Variants in IHO1 observed in about 807,000 individuals in gnomAD.
IHO1 encodes the protein interactor of HORMAD1 1.
Under a neutral mutation model 31.0 loss-of-function variants are expected in IHO1, and 13 were observed. That is an observed-to-expected ratio of 0.42 (90% CI 0.27 to 0.67). IHO1 has a LOEUF of 0.67. Ranked by LOEUF, IHO1 falls within the 30% of genes least tolerant of loss-of-function variation. IHO1 has a pLI of 0.24. For synonymous variants in IHO1, 221 were observed against 248.4 expected, an observed-to-expected ratio of 0.89 and a Z score of 1.04; for missense variants, 599 against 687.5, an observed-to-expected ratio of 0.87 and a Z score of 1.44.
At chr3:49,217,024 C>T (rs191307752) in intron 2 of IHO1, among the ~76,000 whole-genome samples, 2 of 152,304 alleles carry the variant, frequency 1.3e-5, no homozygotes, top group Admixed American at 1.3e-4. Flanking sequence ...AATAGGAACA[C>T]TTTTACACTG....
At chr3:49,229,461 C>G (rs1325882177) in intron 2 of IHO1, among the ~76,000 whole-genome samples, 1 of 152,142 alleles carries the variant, frequency 6.6e-6, no homozygotes, top group Non-Finnish European at 1.5e-5. Context: ...TACTTCTGTT[C>G]CCTGGAAAGC....
At chr3:49,248,181 G>A (rs1408969088) in intron 6 of IHO1, among the ~76,000 whole-genome samples, 2 of 151,042 alleles carry the variant, frequency 1.3e-5, no homozygotes, top group African/African-American at 4.9e-5. Flanking sequence ...CCAGCACTTT[G>A]GGAGGCCAAG....
intron 2 of IHO1, among the ~76,000 whole-genome samples, chr3:49,217,642 TAAAAAAA>T (rs3083866): frequency 1.4e-5 from 2 of 147,288 alleles, no homozygotes; most frequent in South Asian, 4.3e-4. Flanking sequence ...TAAAGTATAA[TAAAAAAA>T]AAAAAAAAGA....
chr3:49,203,440 T>C (rs2046096690), intron 1 of IHO1, among the ~76,000 whole-genome samples: 1 of 151,696 alleles, frequency 6.6e-6, no homozygotes, highest in Admixed American at 6.6e-5. Context: ...GTAAGAGCAG[T>C]GGAGGATTTG....
intron 2 of IHO1, among the ~76,000 whole-genome samples, chr3:49,217,485 G>A (rs1320198312): frequency 6.7e-6 from 1 of 148,812 alleles, no homozygotes; most frequent in African/African-American, 2.5e-5. Flanking sequence ...AGGCTGGTTG[G>A]GGGGTGGGGG....
At chr3:49,211,221 G>A (rs1438034102) in intron 1 of IHO1, among the ~76,000 whole-genome samples, 3 of 151,112 alleles carry the variant, frequency 2.0e-5, no homozygotes, top group Admixed American at 6.6e-5. Flanking sequence ...TGTTAGCCAC[G>A]ATGGTCTTGA....
At chr3:49,225,495 G>A (rs2046407075) in intron 2 of IHO1, among the ~76,000 whole-genome samples, 1 of 152,126 alleles carries the variant, frequency 6.6e-6, no homozygotes, top group Non-Finnish European at 1.5e-5. Flanking sequence ...TGTCCTGTGG[G>A]AAGGCTTAAG....
chr3:49,192,834 C>T, the IHO1 span, among the ~76,000 whole-genome samples: 1 of 152,006 alleles, frequency 6.6e-6, no homozygotes, highest in Non-Finnish European at 1.5e-5. Context: ...GAGATTGAGG[C>T]TGAAGTGAGC....
chr3:49,250,220 C>G (rs1440085485), intron 6 of IHO1, among the ~76,000 whole-genome samples: 1 of 151,966 alleles, frequency 6.6e-6, no homozygotes, highest in Non-Finnish European at 1.5e-5. Context: ...GGAAGAGAGA[C>G]CAAGGTTTGC....
rs1205046083 is a variant in IHO1 at position 49,199,544 on chromosome 3, C to T, written c.-45C>T. The T allele has an allele frequency of 6.6e-6, 1 of 152,028 alleles. No individual in the cohort carries two copies. Among genetic ancestry groups the T allele is most frequent in the South Asian group, 2.1e-4 (1 of 4,804 alleles). 9.4% of individuals were successfully genotyped at this position (152,028 alleles called of 1,614,324 possible). The stretch of plus-strand genomic sequence containing the variant: ...CACCTCGAAGCCACGTCAGGGCAGC[C>T]CCAGGTCGGGCGCGTGCCAGCAGCC... On this transcript the variant is annotated 5_prime_UTR_variant, in exon 1 of 8. Transcript: ENST00000452691.
intron 1 of IHO1, among the ~76,000 whole-genome samples, chr3:49,201,155 G>A (rs1226432312): frequency 6.6e-6 from 1 of 151,738 alleles, no homozygotes; most frequent in South Asian, 2.1e-4. Flanking sequence ...CACCACACCC[G>A]GCTAATTTTT....
At chr3:49,243,940 CTT>C (rs1176268885) in intron 4 of IHO1, among the ~76,000 whole-genome samples, 9 of 138,910 alleles carry the variant, frequency 6.5e-5, no homozygotes, top group Non-Finnish European at 9.5e-5. Flanking sequence ...TGTGTTCTCT[CTT>C]TTTTTTTTTT....
chr3:49,206,791 G>A (rs2046143865), intron 1 of IHO1, among the ~76,000 whole-genome samples: 1 of 152,022 alleles, frequency 6.6e-6, no homozygotes, highest in Admixed American at 6.6e-5. Flanking sequence ...TCAGCACTTT[G>A]GGAGGCCAAG....
intron 2 of IHO1, among the ~76,000 whole-genome samples, chr3:49,227,819 A>G (rs2046434441): frequency 2.0e-5 from 3 of 152,134 alleles, no homozygotes; most frequent in Non-Finnish European, 4.4e-5. Flanking sequence ...AATAGGAAGG[A>G]TATCATTTCT....
chr3:49,228,429 G>A (rs1327608209), intron 2 of IHO1: 2 of 390,302 alleles, frequency 5.1e-6, no homozygotes, highest in African/African-American at 2.1e-5. Flanking sequence ...TGGCCGACAG[G>A]TGCCCGGTAT....
At chr3:49,218,376 CTTTTTT>C (rs34312848) in intron 2 of IHO1, among the ~76,000 whole-genome samples, 3 of 105,830 alleles carry the variant, frequency 2.8e-5, no homozygotes, top group Non-Finnish European at 5.7e-5. Flanking sequence ...CAGTTAATAC[CTTTTTT>C]TTTTTTTTTT....
At chr3:49,244,978 C>T in intron 6 of IHO1, 1 of 595,894 alleles carries the variant, frequency 1.7e-6, no homozygotes. Flanking sequence ...CACCTGGTAA[C>T]CATGTTGCCT....
At chr3:49,235,922 T>C (rs1301348200) in intron 2 of IHO1, among the ~76,000 whole-genome samples, 5 of 107,042 alleles carry the variant, frequency 4.7e-5, no homozygotes, top group East Asian at 3.4e-4. Context: ...AGAGTGAGAC[T>C]CTGTCTCAAA....
intron 6 of IHO1, chr3:49,245,306 C>G (rs2046680983): frequency 6.5e-6 from 1 of 154,076 alleles, no homozygotes; most frequent in South Asian, 2.0e-4. Context: ...CCTGCCTCAG[C>G]CTCCTAAGTA....
Sources: gnomAD v4.1 joint callset for allele counts (sites outside exome capture counted in the v4.1 genomes callset) on GRCh38, gnomAD v4.1.1 for gene constraint, MANE v1.5 for transcripts, NCBI Gene and HGNC (gene_info 2026-07-23, HGNC 2026-07-21) for gene names.